MAP7D3: variants seen among roughly 807,000 people sequenced by gnomAD.
The protein encoded by MAP7D3 is MAP7 domain-containing protein 3.
MAP7D3 carries 45 observed loss-of-function variants against 62.2 expected under a neutral mutation model. That is an observed-to-expected ratio of 0.72 (90% CI 0.57 to 0.93). The LOEUF (loss-of-function observed/expected upper bound fraction) is 0.93. Ranked by LOEUF, MAP7D3 falls within the 40% of genes least tolerant of loss-of-function variation. MAP7D3 has a pLI of 0.00. For missense variants in MAP7D3, 711 were observed against 683.1 expected, an observed-to-expected ratio of 1.04 and a Z score of -0.45; for synonymous variants, 288 against 248.8, an observed-to-expected ratio of 1.16 and a Z score of -1.48.
chrX:136,227,576 C>A, intron 11 of MAP7D3, 145 bp from the exon 12 acceptor site: 1 of 394,981 alleles, frequency 2.5e-6, no homozygotes, highest in Non-Finnish European at 4.2e-6. Context: ...TGTGTTGTTA[C>A]TATATAGGAA....
chrX:136,224,179 T>C (rs1013766873), intron 14 of MAP7D3, among the ~76,000 whole-genome samples: 2 of 108,237 alleles, frequency 1.8e-5, no homozygotes, highest in Non-Finnish European at 3.8e-5. Context: ...GGCAGGTGGA[T>C]AACCTAAGGT....
At chrX:136,232,370 G>C (rs769144544) in intron 7 of MAP7D3, 150 bp from the exon 8 acceptor site, 1 of 454,464 alleles carries the variant, frequency 2.2e-6, no homozygotes, top group African/African-American at 2.4e-5. Context: ...AATGCTTAGT[G>C]AAATGGATGA....
chrX:136,235,533 G>C (rs190894595), intron 7 of MAP7D3, among the ~76,000 whole-genome samples: 224 of 111,914 alleles, frequency 2.0e-3, no homozygotes, highest in Non-Finnish European at 3.2e-3. Context: ...CGGATCATCT[G>C]AGGTCAGGAG....
At chrX:136,216,002 C>A (rs1355856159), downstream of MAP7D3, among the ~76,000 whole-genome samples, 1 of 111,001 alleles carries the variant, frequency 9.0e-6, no homozygotes. Context: ...GCTGCACAGC[C>A]TTGTGAATAT....
intron 12 of MAP7D3, among the ~76,000 whole-genome samples, chrX:136,227,059 G>A (rs2074206633): frequency 9.0e-6 from 1 of 111,604 alleles, no homozygotes; most frequent in African/African-American, 3.3e-5. Flanking sequence ...AACCTGGGAG[G>A]CAGAGGTTGC....
Position 136,217,232 on chromosome X carries a change from T to A in MAP7D3, c.*1294A>T. The A allele has an allele frequency of 8.9e-6, 1 of 112,296 alleles. No individual in the cohort carries two copies. Among genetic ancestry groups the A allele is most frequent in the African/African-American group, 3.2e-5 (1 of 30,923 alleles). 9.3% of individuals were successfully genotyped at this position (112,296 alleles called of 1,213,427 possible). A position where few individuals can be genotyped will look rare whatever the true frequency, so the allele number is the denominator to read the frequency against. The stretch of plus-strand genomic sequence containing the variant: ...ATCTGTGTGCATTTCTGTGTGCCCA[T>A]CACACGAACTCACTGGCAGCCAGTG... On this transcript the variant is annotated 3_prime_UTR_variant, in exon 19 of 19. Transcript: ENST00000316077.
upstream of MAP7D3, among the ~76,000 whole-genome samples, chrX:136,254,770 T>C (rs1238893382): frequency 1.8e-5 from 2 of 111,673 alleles, no homozygotes; most frequent in Admixed American, 1.9e-4. Context: ...CAGCCCATGG[T>C]CGCTGAGTGG....
intron 6 of MAP7D3, among the ~76,000 whole-genome samples, chrX:136,239,861 T>C (rs1569532188): frequency 8.9e-6 from 1 of 112,056 alleles, no homozygotes; most frequent in African/African-American, 3.2e-5. Flanking sequence ...GCTACTGAGG[T>C]CCAATAATCC....
chrX:136,245,425 A>G (rs1393447466), intron 3 of MAP7D3, among the ~76,000 whole-genome samples: 3 of 111,769 alleles, frequency 2.7e-5, no homozygotes, highest in Admixed American at 9.5e-5. Context: ...CTATGTTAGG[A>G]TTATTGGCAA....
Position 136,237,201 on chromosome X carries a change from C to A in MAP7D3, c.641-862G>T, listed in dbSNP as rs770866000. ...ATTTGTAAACTAAAGTACATGTTGA[C>A]AACACAGTATCATCGGAAAATTCCT... On this transcript the variant is annotated intron_variant, in intron 6 of 18. Transcript: ENST00000316077. Among the ~76,000 whole-genome samples the A allele has an allele frequency of 8.0e-5, 9 of 112,025 alleles. No homozygotes were observed. In the South Asian group the frequency reaches 3.3e-3, roughly 41 times the overall value.
At chrX:136,254,024 C>A (rs1220845685), upstream of MAP7D3, among the ~76,000 whole-genome samples, 1 of 109,868 alleles carries the variant, frequency 9.1e-6, no homozygotes, top group East Asian at 2.9e-4. Flanking sequence ...CAAAAAAAGA[C>A]ATAAATATTG....
At chrX:136,243,373 C>T (rs1171257294) in intron 4 of MAP7D3, among the ~76,000 whole-genome samples, 2 of 111,527 alleles carry the variant, frequency 1.8e-5, no homozygotes, top group Non-Finnish European at 3.8e-5. Context: ...AGTCAGAGAC[C>T]AAAAGACAGA....
intron 16 of MAP7D3, 152 bp downstream of exon 16, chrX:136,220,613 T>C (rs1162137268): frequency 4.0e-6 from 2 of 501,322 alleles, no homozygotes; most frequent in Non-Finnish European, 6.8e-6. Context: ...AGCAAGGCTG[T>C]TGTGGGGATG....
intron 7 of MAP7D3, among the ~76,000 whole-genome samples, chrX:136,234,862 T>C (rs990935742): frequency 5.4e-5 from 6 of 111,546 alleles, no homozygotes; most frequent in Non-Finnish European, 1.1e-4. Context: ...AGATATATGA[T>C]GAGAACAAAT....
At chrX:136,237,213 A>G (rs2074339621) in intron 6 of MAP7D3, among the ~76,000 whole-genome samples, 1 of 112,276 alleles carries the variant, frequency 8.9e-6, no homozygotes, top group Non-Finnish European at 1.9e-5. Flanking sequence ...ACACAGTATC[A>G]TCGGAAAATT....
chrX:136,226,630 T>C lies in MAP7D3; in HGVS notation c.2035-617A>G, dbSNP rs1297801634. Reference sequence around the variant, plus strand: ...GGGGTGTAAGGTCCAGTTGATGGAGTTGTATATGGTACCACAGAATGCAAG... The same window carrying C: ...GGGGTGTAAGGTCCAGTTGATGGAGCTGTATATGGTACCACAGAATGCAAG... On this transcript the variant is annotated intron_variant, in intron 12 of 18. Transcript: ENST00000316077. Among the ~76,000 whole-genome samples, 7 of 111,273 alleles carry C rather than the reference T, an allele frequency of 6.3e-5. No homozygotes were observed. The Admixed American group carries it at 6.7e-4, about 11-fold the overall frequency.
At chrX:136,251,534 C>T, upstream of MAP7D3, 2 of 840,953 alleles carry the variant, frequency 2.4e-6, no homozygotes, top group Non-Finnish European at 2.9e-6. Context: ...CAGGATTGCC[C>T]CTTGCGTCCC....
At chrX:136,224,783 CAA>C in intron 14 of MAP7D3, 42 bp downstream of exon 14, 1 of 914,606 alleles carries the variant, frequency 1.1e-6, no homozygotes, top group East Asian at 3.2e-5. Context: ...TAATGTGAAA[CAA>C]GAGGCATTCT....
downstream of MAP7D3, among the ~76,000 whole-genome samples, chrX:136,215,484 G>A (rs984211353): frequency 7.1e-5 from 8 of 112,061 alleles, no homozygotes; most frequent in Non-Finnish European, 1.5e-4. Context: ...AGATGGGACC[G>A]TCTAGTTGCA....
Sources: gnomAD v4.1 joint callset for allele counts (sites outside exome capture counted in the v4.1 genomes callset) on GRCh38, gnomAD v4.1.1 for gene constraint, MANE v1.5 for transcripts, NCBI Gene and HGNC (gene_info 2026-07-23, HGNC 2026-07-21) for gene names.